KIF13A: variants seen among roughly 807,000 people sequenced by gnomAD.
KIF13A encodes the protein kinesin family member 13A.
KIF13A carries 79 observed loss-of-function variants against 212.2 expected under a neutral mutation model. The ratio of observed to expected loss-of-function variants is 0.37; its 90% CI spans 0.31 to 0.45. The LOEUF (loss-of-function observed/expected upper bound fraction) is 0.45, where lower values mean the gene tolerates loss of function less well. KIF13A is among the 20% of genes least tolerant of loss of function. KIF13A has a pLI of 1.00. For synonymous variants in KIF13A, 789 were observed against 808.6 expected, an observed-to-expected ratio of 0.98 and a Z score of 0.41; for missense variants, 1,901 against 2,209.0, an observed-to-expected ratio of 0.86 and a Z score of 2.79.
rs1163032709 is a variant in KIF13A, at chr6:17,856,980, C to G, written c.221-858G>C. Among the ~76,000 whole-genome samples the G allele has an allele frequency of 6.6e-6, 1 of 152,182 alleles. No homozygotes were observed. The highest frequency in any genetic ancestry group is 1.5e-5 in the Non-Finnish European group (1 of 68,026). On this transcript the variant is annotated intron_variant, in intron 4 of 38. Coordinates refer to ENST00000259711, the MANE Select transcript of KIF13A (RefSeq NM_022113.6). The surrounding 1 kb of genome is among the most constrained non-coding windows in gnomAD (Gnocchi z 4.5). ...CATGAGAGCTCCCTGATGCCCAAAACTATAACCTGCTTATCTTCATAATCC... is the reference window on the plus strand; with the variant it reads ...CATGAGAGCTCCCTGATGCCCAAAAGTATAACCTGCTTATCTTCATAATCC...
intron 17 of KIF13A, among the ~76,000 whole-genome samples, chr6:17,810,888 G>A (rs1363116373): frequency 6.6e-6 from 1 of 152,212 alleles, no homozygotes; most frequent in Non-Finnish European, 1.5e-5. Context: ...TGTAGACACA[G>A]ATGAAGCTTC....
intron 20 of KIF13A, among the ~76,000 whole-genome samples, chr6:17,803,986 A>G (rs1443721232): frequency 2.6e-5 from 4 of 152,184 alleles, no homozygotes; most frequent in Non-Finnish European, 5.9e-5. Context: ...CCCCGTCTCC[A>G]CTAAAAATAC....
rs1779452658 is a variant in KIF13A at position 17,967,751 on chromosome 6, G to T, written c.146+19303C>A. On this transcript the variant is annotated intron_variant, in intron 2 of 38. Coordinates refer to ENST00000259711, the MANE Select transcript of KIF13A (RefSeq NM_022113.6). The surrounding 1 kb of genome is among the most constrained non-coding windows in gnomAD (Gnocchi z 4.1). ...ACTGAGCCATCTGCCTTCCTGCTCTGATTTCTGAACCAAGAAGGCTCAACC... is the reference window on the plus strand; with the variant it reads ...ACTGAGCCATCTGCCTTCCTGCTCTTATTTCTGAACCAAGAAGGCTCAACC... Among the ~76,000 whole-genome samples, 1 of 152,150 alleles carries T rather than the reference G, an allele frequency of 6.6e-6. No homozygotes were observed. Among genetic ancestry groups the T allele is most frequent in the African/African-American group, 2.4e-5 (1 of 41,434 alleles).
chr6:17,775,960 C>T (rs1759938740), intron 34 of KIF13A, among the ~76,000 whole-genome samples: 1 of 152,120 alleles, frequency 6.6e-6, no homozygotes, highest in Non-Finnish European at 1.5e-5. Context: ...CGGCGCACCG[C>T]AATCTCCTCC....
Position 17,879,165 on chromosome 6 carries a change from T to C in KIF13A, c.160-5728A>G, listed in dbSNP as rs75139304. On this transcript the variant is annotated intron_variant, in intron 3 of 38. Transcript: ENST00000259711. ...CCTCCTATGAAATTTTACAGCAGTT[T>C]GTAGCTCCCTTGACACTGATTTACA... 5.6e-3 allele frequency among the ~76,000 whole-genome samples: 850 copies of C among 152,292 alleles called. 13 individuals are homozygous for C. The highest frequency in any genetic ancestry group is 0.019 in the African/African-American group (786 of 41,556).
intron 2 of KIF13A, among the ~76,000 whole-genome samples, chr6:17,903,362 T>C (rs1301944220): frequency 6.6e-6 from 1 of 152,226 alleles, no homozygotes; most frequent in Admixed American, 6.5e-5. Flanking sequence ...AATGTATCAA[T>C]GATTTTGATA....
In KIF13A at chr6:17,825,734, C is replaced by T; in HGVS notation, c.1786+34G>A. On this transcript the variant is annotated intron_variant, in intron 16 of 38. Coordinates refer to ENST00000259711, the MANE Select transcript of KIF13A (RefSeq NM_022113.6). The surrounding 1 kb of genome is among the most constrained non-coding windows in gnomAD (Gnocchi z 4.5). ...CTGAATGGTGTGAGGTGAGGAAATG[C>T]CCAAGGCGCTGGAACACAGAGTGAG... 1.3e-6 allele frequency: 2 copies of T among 1,592,186 alleles called. No homozygotes were observed. The highest frequency in any genetic ancestry group is 1.7e-6 in the Non-Finnish European group (2 of 1,168,364).
intron 28 of KIF13A, among the ~76,000 whole-genome samples, chr6:17,784,329 G>A (rs1315480485): frequency 6.6e-6 from 1 of 152,054 alleles, no homozygotes; most frequent in Non-Finnish European, 1.5e-5. Flanking sequence ...GAGGTGGGAG[G>A]ATGGCTTGAA....
Position 17,833,954 on chromosome 6 carries a change from A to G in KIF13A, c.1266+7T>C, listed in dbSNP as rs777208169. The G allele has an allele frequency of 6.8e-7, 1 of 1,461,952 alleles. No homozygotes were observed. Among genetic ancestry groups the G allele is most frequent in the South Asian group, 1.3e-5 (1 of 79,660 alleles). The allele number at this position is 1,461,952 out of a possible 1,614,324, so 90.6% of individuals were successfully genotyped here. ...CCCAATATTTTAGGGCTAAATTATC[A>G]AGCTACCTGTGCTATCTCTTCTGTT... is the stretch of plus-strand genomic sequence containing the variant. On this transcript the variant is annotated splice_region_variant and intron_variant, in intron 12 of 38. Transcript: ENST00000259711.
intron 3 of KIF13A, among the ~76,000 whole-genome samples, chr6:17,877,618 C>A (rs757216680): frequency 5.3e-5 from 8 of 152,046 alleles, no homozygotes. Context: ...TAAGTCAACT[C>A]TCCTTACTTT....
At position 17,780,852 on chromosome 6, in the gene KIF13A, T is replaced by C; in HGVS notation, c.3724A>G (p.Arg1242Gly). The C allele has an allele frequency of 6.2e-7, 1 of 1,613,976 alleles. No individual in the cohort carries two copies. Among genetic ancestry groups the C allele is most frequent in the Non-Finnish European group, 8.5e-7 (1 of 1,179,842 alleles). ...ATCCTTTCATTCTGTGGTGTGACCC[T>C]ATTCAAGTGAACAGAATCATGCACC... ...SSVHDSVHLN[R>G]VTPQNERIYL... is the part of the protein sequence containing the mutation. Residue 1242 changes from arginine to glycine, a missense_variant, in exon 31 of 39, where the codon AGG becomes GGG. Coordinates refer to ENST00000259711, the MANE Select transcript of KIF13A (RefSeq NM_022113.6).
chr6:17,905,038 A>G (rs1445354247), intron 2 of KIF13A, among the ~76,000 whole-genome samples: 2 of 152,256 alleles, frequency 1.3e-5, no homozygotes, highest in Non-Finnish European at 2.9e-5. Context: ...CCCGTGGCCT[A>G]CGGGCCTCAT....
chr6:17,896,118 T>C (rs1340719959), intron 3 of KIF13A, among the ~76,000 whole-genome samples: 2 of 152,182 alleles, frequency 1.3e-5, no homozygotes, highest in Non-Finnish European at 2.9e-5. Flanking sequence ...GTTGGCCCTC[T>C]GTATACATGG....
Position 17,838,189 on chromosome 6 carries a change from C to T in KIF13A, c.831-606G>A, listed in dbSNP as rs142015539. ...ATACAAAAATTGCCAGGCGTGGCGG[C>T]GTGTGCCTATAGTCCCAGCTACTCG... On this transcript the variant is annotated intron_variant, in intron 9 of 38. Coordinates refer to ENST00000259711, the MANE Select transcript of KIF13A (RefSeq NM_022113.6). This position sits in a 1 kb window ranked among gnomAD's most constrained non-coding sequence, Gnocchi z 4.2. Among the ~76,000 whole-genome samples, 2,694 of 151,688 alleles carry T rather than the reference C, an allele frequency of 0.018. 91 individuals carry two copies. Among genetic ancestry groups the T allele is most frequent in the African/African-American group, 0.061 (2,521 of 41,312 alleles).
chr6:17,900,223 T>C lies in KIF13A; in HGVS notation c.147-2043A>G, dbSNP rs900405561. Among the ~76,000 whole-genome samples the C allele has an allele frequency of 2.6e-5, 4 of 152,230 alleles. No individual in the cohort carries two copies. The highest frequency in any genetic ancestry group is 4.8e-5 in the African/African-American group (2 of 41,456). On this transcript the variant is annotated intron_variant, in intron 2 of 38. Transcript: ENST00000259711. The surrounding 1 kb of genome is among the most constrained non-coding windows in gnomAD (Gnocchi z 4.6). ...CAGTGAGCTCTCTGGAGTTCTCTTA[T>C]GTGCCCTTTATGCCACAGCCACAGC... is the stretch of plus-strand genomic sequence containing the variant.
chr6:17,803,739 A>C (rs1762673334), intron 20 of KIF13A, among the ~76,000 whole-genome samples: 1 of 152,352 alleles, frequency 6.6e-6, no homozygotes, highest in South Asian at 2.1e-4. Context: ...GATTACCTTT[A>C]AAAAGAGAGA....
intron 38 of KIF13A, chr6:17,770,361 A>ATTGTTTTTTTTT (rs1759379774): frequency 8.4e-6 from 1 of 119,446 alleles, no homozygotes; most frequent in Non-Finnish European, 1.7e-5. Context: ...AATAAACAGG[A>ATTGTTTTTTTTT]TTTTTTTTTT....
At chr6:17,962,123 C>A (rs969988127) in intron 2 of KIF13A, among the ~76,000 whole-genome samples, 3 of 151,918 alleles carry the variant, frequency 2.0e-5, no homozygotes, top group African/African-American at 7.3e-5. Flanking sequence ...ACAACCTGGC[C>A]AACATGGTGA....
At position 17,839,416 on chromosome 6, in the gene KIF13A, G is replaced by C. The variant is rs1170166988; in HGVS notation, c.831-1833C>G. ...CCACATGCCCATCAAATGATGAAGT[G>C]ATGAATAAAATCTGGTATATACACA... On this transcript the variant is annotated intron_variant, in intron 9 of 38. Coordinates refer to ENST00000259711, the MANE Select transcript of KIF13A (RefSeq NM_022113.6). The surrounding 1 kb of genome is among the most constrained non-coding windows in gnomAD (Gnocchi z 4.3). 1.3e-5 allele frequency among the ~76,000 whole-genome samples: 2 copies of C among 152,170 alleles called. No individual in the cohort carries two copies. The highest frequency in any genetic ancestry group is 2.9e-5 in the Non-Finnish European group (2 of 68,030).
Sources: gnomAD v4.1 joint callset for allele counts (sites outside exome capture counted in the v4.1 genomes callset) on GRCh38, gnomAD v4.1.1 for gene constraint, Gnocchi (gnomAD v3.1) non-coding constraint, MANE v1.5 for transcripts, NCBI Gene and HGNC (gene_info 2026-07-23, HGNC 2026-07-21) for gene names.